The following MYOM3 variants were observed in gnomAD, a reference collection of about 807,000 sequenced individuals.
The protein encoded by MYOM3 is myomesin 3.
MYOM3 carries 155 observed loss-of-function variants against 191.7 expected under a neutral mutation model. That is an observed-to-expected ratio of 0.81 (90% confidence interval 0.71 to 0.92). The LOEUF is 0.92. Among genes scored for constraint, MYOM3 ranks in the 40% least tolerant of loss-of-function variants. The pLI, the probability that MYOM3 is intolerant of heterozygous loss-of-function variation, is 0.00. For synonymous variants in MYOM3, 757 were observed against 762.9 expected, an observed-to-expected ratio of 0.99 and a Z score of 0.13; for missense variants, 1,889 against 1,890.6, an observed-to-expected ratio of 1.00 and a Z score of 0.02.
At chr1:24,098,275 T>C (rs1385450244) in intron 6 of MYOM3, among the ~76,000 whole-genome samples, 2 of 152,224 alleles carry the variant, frequency 1.3e-5, no homozygotes, top group Non-Finnish European at 2.9e-5. Context: ...ACATGCCACA[T>C]TGCAGTTATT....
chr1:24,095,250 C>T (rs1310293859), intron 8 of MYOM3, among the ~76,000 whole-genome samples, 192 bp downstream of exon 8: 1 of 152,208 alleles, frequency 6.6e-6, no homozygotes, highest in African/African-American at 2.4e-5. Context: ...AACAGCTCAG[C>T]AGCTGGGGAC....
At chr1:24,079,201 A>T (rs533175882) in intron 20 of MYOM3, among the ~76,000 whole-genome samples, 5 of 151,898 alleles carry the variant, frequency 3.3e-5, no homozygotes, top group Non-Finnish European at 5.9e-5. Flanking sequence ...ACGTAGGTCC[A>T]CCTCATTCTT....
chr1:24,072,951 C>T (rs1231383760), intron 23 of MYOM3, among the ~76,000 whole-genome samples: 9 of 152,190 alleles, frequency 5.9e-5, no homozygotes, highest in Non-Finnish European at 1.3e-4. Context: ...TTGGCAGGGG[C>T]AGAGACCATG....
In MYOM3 at chr1:24,086,785, T is replaced by G. The variant is rs764456122; in HGVS notation, c.1657A>C (p.Ser553Arg). 1 of 1,614,198 alleles carries G rather than the reference T, an allele frequency of 6.2e-7. No homozygotes were observed. Among genetic ancestry groups the G allele is most frequent in the South Asian group, 1.1e-5 (1 of 91,084 alleles). Residue 553 changes from serine to arginine, a missense_variant, in exon 15 of 37, where the codon AGC becomes CGC. Physicochemically the swap from Ser to Arg is moderately radical, Grantham distance 110 (BLOSUM62 -1). Transcript: ENST00000374434. ...GCGAATCTCGGGGATCTCACAGGGC[T>G]TTCCGAGCTGATGGCCTCCCAGGTG... is the stretch of plus-strand genomic sequence containing the variant. The part of the protein sequence containing the change: ...SGTWEAISSE[S>R]PVRSPRFAVL...
In MYOM3 at chr1:24,063,400, C is replaced by T. The variant is rs1452022085; in HGVS notation, c.3661+92G>A. On this transcript the variant is annotated intron_variant, in intron 31 of 36. Transcript: ENST00000374434. The surrounding 1 kb of genome is among the most constrained non-coding windows in gnomAD (Gnocchi z 4.5). ...CGGTGTTTGAGGTTAGAAACTAAAC[C>T]CACCCCCAATAGCCAAGGCCAGTGT... The T allele has an allele frequency of 6.5e-7, 1 of 1,533,588 alleles. No individual in the cohort carries two copies. Among genetic ancestry groups the T allele is most frequent in the Non-Finnish European group, 9.0e-7 (1 of 1,108,068 alleles). 95.0% of individuals were successfully genotyped at this position (1,533,588 alleles called of 1,614,324 possible). A position where few individuals can be genotyped will look rare whatever the true frequency, so the allele number is the denominator to read the frequency against.
chr1:24,075,077 AAAAG>A (rs1457949625), intron 22 of MYOM3, among the ~76,000 whole-genome samples: 1 of 49,284 alleles, frequency 2.0e-5, no homozygotes, highest in Non-Finnish European at 4.6e-5. Flanking sequence ...CTGTCTCAAA[AAAAG>A]AAAAGAAAAG....
intron 17 of MYOM3, 58 bp downstream of exon 17, chr1:24,082,535 C>T (rs1643685092): frequency 6.6e-7 from 1 of 1,510,122 alleles, no homozygotes; most frequent in Admixed American, 2.2e-5. Flanking sequence ...GATCTATGAG[C>T]CCCAGCTCCC....
At chr1:24,105,796 C>T (rs555188059) in intron 5 of MYOM3, 124 bp downstream of exon 5, 467 of 1,005,436 alleles carry the variant, frequency 4.6e-4, no homozygotes, top group Non-Finnish European at 5.8e-4. Context: ...CTGCTCTATT[C>T]GGTGGGTGGA....
chr1:24,062,018 T>A lies in MYOM3; in HGVS notation c.3862A>T (p.Lys1288Ter). The change falls in exon 33 of 37, where the codon AAG becomes TAG. Residue 1288 changes from lysine to a stop codon, truncating the protein, a stop_gained. Transcript: ENST00000374434. LOFTEE classifies it high-confidence loss of function. ...LHILDPKDSD[K>*]GKYTLEIAAG... Reference sequence around the variant, plus strand: ...GCTATTTCCAGAGTGTATTTGCCCTTGTCTGAGTCTTTGGGGTCCAGGATG... The same window carrying A: ...GCTATTTCCAGAGTGTATTTGCCCTAGTCTGAGTCTTTGGGGTCCAGGATG... 6.2e-7 allele frequency: 1 copy of A among 1,614,232 alleles called. No homozygotes were observed. The highest frequency in any genetic ancestry group is 8.5e-7 in the Non-Finnish European group (1 of 1,180,046).
chr1:24,064,256 C>T, intron 29 of MYOM3, 97 bp from the exon 30 acceptor site: 1 of 883,592 alleles, frequency 1.1e-6, no homozygotes, highest in Non-Finnish European at 1.8e-6. Flanking sequence ...CTGCCCCTCA[C>T]TCTCTGTGTG....
At chr1:24,062,203 G>A in intron 32 of MYOM3, 94 bp from the exon 33 acceptor site, 1 of 1,411,754 alleles carries the variant, frequency 7.1e-7, no homozygotes, top group South Asian at 1.3e-5. Flanking sequence ...TTTGTTTTGA[G>A]ATCACGGGCT....
intron 32 of MYOM3, among the ~76,000 whole-genome samples, chr1:24,062,478 T>A (rs1375000250): frequency 6.6e-6 from 1 of 152,152 alleles, no homozygotes; most frequent in East Asian, 1.9e-4. Flanking sequence ...CTGGACCAAA[T>A]TAGTCAAGCC....
In MYOM3 at chr1:24,086,674, T is replaced by C. The variant is rs749360557; in HGVS notation, c.1768A>G (p.Ser590Gly). ...QYGLSDPSEP[S>G]EPIALRGPPA... Reference sequence around the variant, plus strand: ...GGGCCCCGCAAGGCGATGGGTTCGCTGGGCTCCGAGGGATCGCTCAGGCCA... The same window carrying C: ...GGGCCCCGCAAGGCGATGGGTTCGCCGGGCTCCGAGGGATCGCTCAGGCCA... The change falls in exon 15 of 37, where the codon AGC becomes GGC. Residue 590 changes from serine (S) to glycine (G), a missense_variant. By Grantham distance (56) the Ser-to-Gly change is moderately conservative (BLOSUM62 0). Transcript: ENST00000374434. The C allele has an allele frequency of 6.2e-7, 1 of 1,614,090 alleles. No homozygotes were observed. Among genetic ancestry groups the C allele is most frequent in the Admixed American group, 1.7e-5 (1 of 60,008 alleles).
At chr1:24,081,234 G>T in intron 19 of MYOM3, 96 bp downstream of exon 19, 2 of 1,492,966 alleles carry the variant, frequency 1.3e-6, no homozygotes, top group Non-Finnish European at 1.8e-6. Flanking sequence ...GTGCAAGCCT[G>T]AATGCATAGA....
chr1:24,091,089 G>A, intron 11 of MYOM3, 93 bp from the exon 12 acceptor site: 1 of 1,382,198 alleles, frequency 7.2e-7, no homozygotes, highest in Non-Finnish European at 9.9e-7. Context: ...GACTGGGGGA[G>A]CCTGCCCAGC....
chr1:24,110,399 G>T (rs567710971), intron 1 of MYOM3, among the ~76,000 whole-genome samples: 1 of 152,168 alleles, frequency 6.6e-6, no homozygotes, highest in Non-Finnish European at 1.5e-5. Context: ...TGTGTAGGCT[G>T]TCTTCTGCCT....
In MYOM3 at chr1:24,087,616, C is replaced by G. The variant is rs753536188; in HGVS notation, c.1615-789G>C. On this transcript the variant is annotated intron_variant, in intron 14 of 36. Transcript: ENST00000374434. This position sits in a 1 kb window ranked among gnomAD's most constrained non-coding sequence, Gnocchi z 4.5. The stretch of plus-strand genomic sequence containing the variant: ...AGAAATCTCTTGGCTTCCTGTAGGC[C>G]TTTAATAAAAATCCACCTTCCTGGG... Among the ~76,000 whole-genome samples, 5 of 152,098 alleles carry G rather than the reference C, an allele frequency of 3.3e-5. No individual in the cohort carries two copies. Among genetic ancestry groups the G allele is most frequent in the Non-Finnish European group, 7.4e-5 (5 of 68,024 alleles).
Position 24,076,207 on chromosome 1 carries a change from C to T in MYOM3, c.2653G>A (p.Gly885Arg). 6.2e-7 allele frequency: 1 copy of T among 1,614,204 alleles called. No homozygotes were observed. The highest frequency in any genetic ancestry group is 8.5e-7 in the Non-Finnish European group (1 of 1,180,022). Residue 885 changes from glycine (G) to arginine (R), a missense_variant, in exon 21 of 37, where the codon GGG becomes AGG. Physicochemically the swap from Gly to Arg is moderately radical, Grantham distance 125. Coordinates refer to ENST00000374434, the MANE Select transcript of MYOM3 (RefSeq NM_152372.4). ...QVQAMNSAGL[G>R]QPSMPTDPVL... ...GGATCAGTGGGCATGGACGGTTGCC[C>T]CAGACCAGCTGAATTCATGGCCTGT...
Position 24,095,487 on chromosome 1 carries a change from C to A in MYOM3, c.746-1G>T, listed in dbSNP as rs1643874200. The A allele has an allele frequency of 6.2e-7, 1 of 1,612,612 alleles. No individual in the cohort carries two copies. The highest frequency in any genetic ancestry group is 1.7e-5 in the Admixed American group (1 of 59,856). On this transcript the variant is annotated splice_acceptor_variant, in intron 7 of 36. Coordinates refer to ENST00000374434, the MANE Select transcript of MYOM3 (RefSeq NM_152372.4). LOFTEE classifies it high-confidence loss of function. ...AAGCCAGCATCCTTCCCCAGGTAAG[C>A]TGAAAAACCAAAGGCAAACAGAGTT... is the stretch of plus-strand genomic sequence containing the variant.
Sources: gnomAD v4.1 joint callset for allele counts (sites outside exome capture counted in the v4.1 genomes callset) on GRCh38, gnomAD v4.1.1 for gene constraint, Gnocchi (gnomAD v3.1) non-coding constraint, MANE v1.5 for transcripts, NCBI Gene and HGNC (gene_info 2026-07-23, HGNC 2026-07-21) for gene names.